Variants in RAP1GAP2 observed in about 807,000 individuals in gnomAD.
RAP1GAP2 encodes the protein RAP1 GTPase activating protein 2.
Under a neutral mutation model 95.0 loss-of-function variants are expected in RAP1GAP2, and 27 were observed. The ratio of observed to expected loss-of-function variants is 0.28; its 90% confidence interval spans 0.21 to 0.39. The LOEUF is 0.39. RAP1GAP2 is among the 10% of genes least tolerant of loss of function. RAP1GAP2 has a pLI of 1.00. For missense variants in RAP1GAP2, 771 were observed against 970.0 expected (o/e 0.79, Z 2.72); for synonymous variants, 373 against 380.9 (o/e 0.98, Z 0.24).
chr17:2,828,298 G>T (rs143919088), intron 2 of RAP1GAP2, among the ~76,000 whole-genome samples: 28 of 151,980 alleles, frequency 1.8e-4, no homozygotes, highest in Non-Finnish European at 3.8e-4. Context: ...CCGAGATCGC[G>T]CCATTGCACT....
At chr17:2,983,247 A>G (rs2045436232) in intron 10 of RAP1GAP2, among the ~76,000 whole-genome samples, 1 of 150,870 alleles carries the variant, frequency 6.6e-6, no homozygotes, top group Admixed American at 6.6e-5. Flanking sequence ...TAAATGTCAC[A>G]TTTAATGTTT....
chr17:2,968,731 G>A (rs2044721065), intron 8 of RAP1GAP2, among the ~76,000 whole-genome samples: 1 of 152,068 alleles, frequency 6.6e-6, no homozygotes, highest in Non-Finnish European at 1.5e-5. Context: ...AAATTCGATT[G>A]TTAACAAAGA....
intron 17 of RAP1GAP2, among the ~76,000 whole-genome samples, chr17:3,011,236 C>G (rs879750252): frequency 6.6e-6 from 1 of 152,084 alleles, no homozygotes; most frequent in East Asian, 1.9e-4. Context: ...CCATTTGTGA[C>G]CAGCTTTTTT....
chr17:2,881,870 G>C (rs2047587342), intron 2 of RAP1GAP2, among the ~76,000 whole-genome samples: 1 of 152,140 alleles, frequency 6.6e-6, no homozygotes, highest in Admixed American at 6.6e-5. Flanking sequence ...GCCCAAGCTG[G>C]AGTGCAGTGG....
chr17:3,023,002 T>C (rs1367791664), intron 19 of RAP1GAP2, among the ~76,000 whole-genome samples: 2 of 152,234 alleles, frequency 1.3e-5, no homozygotes, highest in East Asian at 3.8e-4. Flanking sequence ...TTGGCACCTT[T>C]GTTGAAAATG....
intron 8 of RAP1GAP2, among the ~76,000 whole-genome samples, chr17:2,975,882 T>C (rs1283693243): frequency 6.6e-6 from 1 of 152,256 alleles, no homozygotes; most frequent in Non-Finnish European, 1.5e-5. Context: ...CTTACTCTGT[T>C]GTTTGTTTGC....
At chr17:2,960,017 T>C (rs1368373016) in intron 4 of RAP1GAP2, among the ~76,000 whole-genome samples, 2 of 144,180 alleles carry the variant, frequency 1.4e-5, no homozygotes, top group Non-Finnish European at 3.0e-5. Flanking sequence ...CCCAGCTACT[T>C]GGGAGGCTGA....
intron 2 of RAP1GAP2, among the ~76,000 whole-genome samples, chr17:2,830,199 G>A (rs941287536): frequency 2.0e-5 from 3 of 150,410 alleles, no homozygotes; most frequent in Admixed American, 1.3e-4. Flanking sequence ...ATCACTTGAG[G>A]TCAGGAGTTC....
At chr17:2,949,839 T>C (rs887170797) in intron 3 of RAP1GAP2, among the ~76,000 whole-genome samples, 45 of 152,292 alleles carry the variant, frequency 3.0e-4, no homozygotes, top group African/African-American at 6.0e-4. Context: ...AACTGTCCCA[T>C]TGGAAAGTGC....
chr17:2,917,950 A>T (rs748170715), intron 3 of RAP1GAP2, among the ~76,000 whole-genome samples: 1 of 152,090 alleles, frequency 6.6e-6, no homozygotes, highest in African/African-American at 2.4e-5. Context: ...TCCTGACCTC[A>T]GGTGATCCAC....
At chr17:2,941,115 G>A (rs74252365) in intron 3 of RAP1GAP2, among the ~76,000 whole-genome samples, 6,523 of 152,222 alleles carry the variant, frequency 0.043, 300 homozygotes, top group African/African-American at 0.12. Context: ...TCAAAAGACC[G>A]CGTGGGCCGG....
intron 3 of RAP1GAP2, among the ~76,000 whole-genome samples, chr17:2,933,528 G>C (rs185107408): frequency 1.3e-5 from 2 of 152,354 alleles, no homozygotes; most frequent in East Asian, 1.9e-4. Flanking sequence ...CACTCTGTCA[G>C]CCTGGGGGGC....
intron 12 of RAP1GAP2, among the ~76,000 whole-genome samples, chr17:2,991,829 A>G (rs1360289995): frequency 1.3e-5 from 2 of 151,956 alleles, no homozygotes; most frequent in African/African-American, 4.8e-5. Context: ...CAGTGGTGTG[A>G]TCTCAGCTCA....
In RAP1GAP2 at chr17:2,825,057, C is replaced by T. The variant is rs143066521; in HGVS notation, c.80+24507C>T. Among the ~76,000 whole-genome samples the T allele has an allele frequency of 2.0e-5, 3 of 152,224 alleles. No homozygotes were observed. Among genetic ancestry groups the T allele is most frequent in the Non-Finnish European group, 2.9e-5 (2 of 68,020 alleles). ...ACTCATGGCACAAGCAATCTTCCTG[C>T]GTAGCTGGGATGACAGGCATGTGCC... On this transcript the variant is annotated intron_variant, in intron 2 of 24. Transcript: ENST00000254695. The surrounding 1 kb of genome is among the most constrained non-coding windows in gnomAD (Gnocchi z 4.1).
At chr17:2,809,580 G>A (rs752987840) in intron 2 of RAP1GAP2, among the ~76,000 whole-genome samples, 38 of 152,128 alleles carry the variant, frequency 2.5e-4, no homozygotes, top group Non-Finnish European at 5.1e-4. Context: ...GGGCTTCCTC[G>A]CTGGTCTCCC....
At position 3,031,013 on chromosome 17, in the gene RAP1GAP2, C is replaced by T; in HGVS notation, c.2184+15C>T. On this transcript the variant is annotated intron_variant, in intron 23 of 24. Coordinates refer to ENST00000254695, the MANE Select transcript of RAP1GAP2 (RefSeq NM_015085.5). The stretch of plus-strand genomic sequence containing the variant: ...GCTCTGGTGCGGTAAGGATGCGCCT[C>T]CCACACCCCACACTCCACTTTCTGC... 2 of 1,575,238 alleles carry T rather than the reference C, an allele frequency of 1.3e-6. No individual in the cohort carries two copies. The highest frequency in any genetic ancestry group is 1.1e-5 in the South Asian group (1 of 87,414).
chr17:2,993,838 C>G (rs1417455322), intron 12 of RAP1GAP2, among the ~76,000 whole-genome samples: 1 of 151,688 alleles, frequency 6.6e-6, no homozygotes, highest in Non-Finnish European at 1.5e-5. Context: ...AGTTTGAGAC[C>G]AGCCTGGGCA....
intron 2 of RAP1GAP2, among the ~76,000 whole-genome samples, chr17:2,839,619 T>C (rs2071284917): frequency 1.3e-5 from 2 of 152,174 alleles, no homozygotes; most frequent in Admixed American, 1.3e-4. Flanking sequence ...TCACAGCTCC[T>C]TAGACTCCTC....
At chr17:2,924,000 T>C (rs2042876578) in intron 3 of RAP1GAP2, among the ~76,000 whole-genome samples, 2 of 152,226 alleles carry the variant, frequency 1.3e-5, no homozygotes, top group Admixed American at 1.3e-4. Context: ...TGCTGAAGTT[T>C]AGAGAAATGT....
Sources: gnomAD v4.1 joint callset for allele counts (sites outside exome capture counted in the v4.1 genomes callset) on GRCh38, gnomAD v4.1.1 for gene constraint, Gnocchi (gnomAD v3.1) non-coding constraint, MANE v1.5 for transcripts, NCBI Gene and HGNC (gene_info 2026-07-23, HGNC 2026-07-21) for gene names.